The following ABCC2 variants were observed in gnomAD, a reference collection of about 807,000 sequenced individuals.
The protein encoded by ABCC2 is ATP binding cassette subfamily C member 2, also known as ATP-binding cassette sub-family C member 2.
ABCC2 carries 157 observed loss-of-function variants against 173.4 expected under a neutral mutation model. That is an observed-to-expected ratio of 0.91 (90% CI 0.80 to 1.03). The LOEUF (loss-of-function observed/expected upper bound fraction) is 1.03. ABCC2 is among the 50% of genes least tolerant of loss of function. ABCC2 has a pLI of 0.00. For synonymous variants in ABCC2, 657 were observed against 693.5 expected (o/e 0.95, Z 0.83); for missense variants, 1,822 against 1,852.3 (o/e 0.98, Z 0.30).
chr10:99,845,533 C>T, intron 28 of ABCC2, 91 bp from the exon 29 acceptor site: 1 of 1,527,544 alleles, frequency 6.5e-7, no homozygotes, highest in South Asian at 1.1e-5. Flanking sequence ...GTCACTGCCT[C>T]TTACCTCCTG....
chr10:99,785,217 T>G (rs1389111115), intron 2 of ABCC2, among the ~76,000 whole-genome samples: 1 of 152,104 alleles, frequency 6.6e-6, no homozygotes, highest in Non-Finnish European at 1.5e-5. Flanking sequence ...AAAACTTGGG[T>G]CCGAAATAAG....
intron 19 of ABCC2, among the ~76,000 whole-genome samples, chr10:99,828,420 A>C (rs2038683106): frequency 6.6e-6 from 1 of 152,144 alleles, no homozygotes; most frequent in South Asian, 2.1e-4. Context: ...TGCCTTAACA[A>C]CACATCACAA....
chr10:99,790,792 A>G (rs1367090629), intron 2 of ABCC2, among the ~76,000 whole-genome samples: 1 of 152,168 alleles, frequency 6.6e-6, no homozygotes, highest in African/African-American at 2.4e-5. Flanking sequence ...AATAGCACTG[A>G]TCCTATTAGT....
intron 26 of ABCC2, among the ~76,000 whole-genome samples, chr10:99,842,497 G>A (rs991710855): frequency 6.6e-6 from 1 of 152,098 alleles, no homozygotes; most frequent in Non-Finnish European, 1.5e-5. Flanking sequence ...ATAATTGGAG[G>A]TAATTCTAAT....
At chr10:99,797,777 T>A (rs1256656734) in intron 7 of ABCC2, 1 of 212,318 alleles carries the variant, frequency 4.7e-6, no homozygotes, top group Non-Finnish European at 9.6e-6. Flanking sequence ...AAAGTAATAA[T>A]AGCTATTAAG....
Position 99,842,229 on chromosome 10 carries a change from G to A in ABCC2, c.3741+136G>A, listed in dbSNP as rs1010971746. 4.8e-5 allele frequency: 61 copies of A among 1,269,492 alleles called. 1 individual carries two copies. The African/African-American group carries it at 6.8e-4, about 14-fold the overall frequency. The allele number at this position is 1,269,492 out of a possible 1,614,324, so 78.6% of individuals were successfully genotyped here. A position where few individuals can be genotyped will look rare whatever the true frequency, so the allele number is the denominator to read the frequency against. ...TAAAGAAGACTGAGGTTCAAACCCT[G>A]GCTCCATCTTTTACCCATGGACGTA... On this transcript the variant is annotated intron_variant, in intron 26 of 31. Coordinates refer to ENST00000647814, the MANE Select transcript of ABCC2 (RefSeq NM_000392.5).
At chr10:99,802,138 C>T (rs2038025208) in intron 9 of ABCC2, among the ~76,000 whole-genome samples, 1 of 150,078 alleles carries the variant, frequency 6.7e-6, no homozygotes. Context: ...CTTAATATTC[C>T]AGGTTTTGCA....
intron 11 of ABCC2, among the ~76,000 whole-genome samples, chr10:99,806,657 T>C (rs1185947367): frequency 6.6e-6 from 1 of 152,250 alleles, no homozygotes; most frequent in Non-Finnish European, 1.5e-5. Context: ...GAATTATCTT[T>C]CATCAACTTG....
Position 99,841,947 on chromosome 10 carries a change from CTG to C in ABCC2, c.3615-19_3615-18del, listed in dbSNP as rs1334958231. ...GGACGTGATCAGTGACACGCACTCT[CTG>C]GTTCTGTTGCCCCACAGGTGGCTTG... On this transcript the variant is annotated intron_variant, in intron 25 of 31. Transcript: ENST00000647814. The C allele has an allele frequency of 6.2e-7, 1 of 1,614,112 alleles. No individual in the cohort carries two copies. Among genetic ancestry groups the C allele is most frequent in the Admixed American group, 1.7e-5 (1 of 60,016 alleles).
intron 2 of ABCC2, among the ~76,000 whole-genome samples, chr10:99,790,599 C>G (rs996072087): frequency 6.6e-6 from 1 of 152,166 alleles, no homozygotes; most frequent in African/African-American, 2.4e-5. Context: ...TGCCTTACCT[C>G]TAGCTTGCTC....
Position 99,851,789 on chromosome 10 carries a change from T to C in ABCC2, c.*158T>C. On this transcript the variant is annotated 3_prime_UTR_variant, in exon 32 of 32. Coordinates refer to ENST00000647814, the MANE Select transcript of ABCC2 (RefSeq NM_000392.5). ...GAACCTACTACCCAGGTTAAGAAAA[T>C]AAATGTCACCAGGTACTTGAGAAAC... is the stretch of plus-strand genomic sequence containing the variant. The C allele has an allele frequency of 1.1e-5, 8 of 702,322 alleles. No individual in the cohort carries two copies. The South Asian group carries it at 1.7e-4, about 15-fold the overall frequency. 43.5% of individuals were successfully genotyped at this position (702,322 alleles called of 1,614,324 possible).
chr10:99,805,109 C>A (rs558342453), intron 10 of ABCC2, among the ~76,000 whole-genome samples: 1 of 152,112 alleles, frequency 6.6e-6, no homozygotes, highest in South Asian at 2.1e-4. Context: ...TTGGGAAGGG[C>A]AGGGAAAGAA....
At chr10:99,822,991 A>C (rs2038564548) in intron 19 of ABCC2, among the ~76,000 whole-genome samples, 1 of 151,764 alleles carries the variant, frequency 6.6e-6, no homozygotes, top group African/African-American at 2.4e-5. Context: ...TTAACATGGG[A>C]AGTACTTTCT....
At chr10:99,807,593 CT>C in intron 12 of ABCC2, 72 bp downstream of exon 12, 2 of 1,602,310 alleles carry the variant, frequency 1.2e-6, no homozygotes, top group South Asian at 1.1e-5. Context: ...AGGAAGTTCA[CT>C]TTTGATAGAC....
chr10:99,790,619 T>C (rs2037796148), intron 2 of ABCC2, among the ~76,000 whole-genome samples: 1 of 152,136 alleles, frequency 6.6e-6, no homozygotes, highest in African/African-American at 2.4e-5. Context: ...CTATTTTACC[T>C]CCTAATTTAC....
In ABCC2 at chr10:99,814,197, G is replaced by GTA. The variant is rs1367822486; in HGVS notation, c.2094+1060_2094+1061dup. 1.6e-4 allele frequency among the ~76,000 whole-genome samples: 8 copies of GTA among 50,200 alleles called. 3 individuals are homozygous for GTA. The highest frequency in any genetic ancestry group is 7.8e-4 in the Admixed American group (4 of 5,116). 32.9% of individuals were successfully genotyped at this position (50,200 alleles called of 152,430 possible). A position where few individuals can be genotyped will look rare whatever the true frequency, so the allele number is the denominator to read the frequency against. On this transcript the variant is annotated intron_variant, in intron 16 of 31. Coordinates refer to ENST00000647814, the MANE Select transcript of ABCC2 (RefSeq NM_000392.5). ...CACACATGTATGTATACACACATGT[G>GTA]TATATATACACACATGTGTATATAT...
At chr10:99,792,915 A>G (rs1033329704) in intron 3 of ABCC2, among the ~76,000 whole-genome samples, 1 of 152,210 alleles carries the variant, frequency 6.6e-6, no homozygotes, top group African/African-American at 2.4e-5. Flanking sequence ...ATGTCTGGCA[A>G]TCGCAAACCT....
At chr10:99,842,760 A>G (rs145457316) in intron 26 of ABCC2, among the ~76,000 whole-genome samples, 5 of 152,280 alleles carry the variant, frequency 3.3e-5, no homozygotes, top group African/African-American at 9.6e-5. Flanking sequence ...TTAGAAGTTA[A>G]TAAGGCCTGT....
chr10:99,825,797 G>T (rs908645676), intron 19 of ABCC2, among the ~76,000 whole-genome samples: 1 of 152,228 alleles, frequency 6.6e-6, no homozygotes, highest in Non-Finnish European at 1.5e-5. Flanking sequence ...CAGAGAGACT[G>T]CTTGTATAGT....
Sources: allele counts gnomAD v4.1 joint callset (sites outside exome capture counted in the v4.1 genomes callset), GRCh38; gene constraint gnomAD v4.1.1; transcripts MANE v1.5; gene names NCBI Gene and HGNC (gene_info 2026-07-23, HGNC 2026-07-21).